NOC2L: variants seen among roughly 807,000 people sequenced by gnomAD.
The protein encoded by NOC2L is nucleolar complex protein 2 homolog.
In NOC2L, 101 loss-of-function variants were observed where a neutral mutation model predicts 94.2. The ratio of observed to expected loss-of-function variants is 1.07; its 90% CI spans 0.91 to 1.26. NOC2L has a LOEUF of 1.26. NOC2L is among the 50% of genes most tolerant of loss of function. The probability of loss-of-function intolerance (pLI) is 0.00; values close to 1 mark genes in which losing one functional copy is unlikely to be tolerated. For missense variants in NOC2L, 1,076 were observed against 980.1 expected, an observed-to-expected ratio of 1.10 and a Z score of -1.31; for synonymous variants, 531 against 413.4, an observed-to-expected ratio of 1.28 and a Z score of -3.45.
chr1:949,856 C>G (rs1223163072), intron 12 of NOC2L, among the ~76,000 whole-genome samples: 2 of 152,214 alleles, frequency 1.3e-5, no homozygotes, highest in Admixed American at 6.5e-5. Context: ...CCTGGGGCTT[C>G]CATACCTTCT....
At chr1:954,260 G>C in intron 6 of NOC2L, 178 bp from the exon 7 acceptor site, 1 of 574,330 alleles carries the variant, frequency 1.7e-6, no homozygotes. Flanking sequence ...GGGCTTAGGA[G>C]GACCCTCTCA....
chr1:948,124 C>G lies in NOC2L; in HGVS notation c.1659+7G>C. On this transcript the variant is annotated splice_region_variant and intron_variant, in intron 14 of 18. Transcript: ENST00000327044. ...CGGCCACGAGCCGGTGTGGGCAGGA[C>G]ACACACCTGCAGGACCACAGGCAGC... The G allele has an allele frequency of 5.1e-6, 8 of 1,575,786 alleles. No individual in the cohort carries two copies. The highest frequency in any genetic ancestry group is 6.9e-6 in the Non-Finnish European group (8 of 1,160,538).
chr1:955,890 C>T, intron 6 of NOC2L, 33 bp downstream of exon 6: 1 of 1,557,306 alleles, frequency 6.4e-7, no homozygotes. Flanking sequence ...ACCCACCTTC[C>T]ACCCTACCCC....
chr1:948,412 G>T, intron 13 of NOC2L, 78 bp downstream of exon 13: 1 of 1,177,360 alleles, frequency 8.5e-7, no homozygotes, highest in South Asian at 1.2e-5. Context: ...GAGGATGCCA[G>T]CCCCCTCCCA....
rs767390045 is a variant in NOC2L at position 957,007 on chromosome 1, C to G, written c.373G>C (p.Asp125His). ...CCATCTTCTCCTTCCTCCGCTCCAT[C>G]CTCCTCCTCACTGGCTTCCTGCACA... Reference protein sequence around the residue: ...DVLEEASEEEDGAEEGEDGDR... With the variant: ...DVLEEASEEEHGAEEGEDGDR... The change falls in exon 4 of 19, where the codon GAT (aspartate) becomes CAT (histidine). Residue 125 changes from aspartate to histidine, a missense_variant. Asp to His is a moderately conservative substitution (Grantham distance 81). Around this residue, in one of 3 missense-constraint regions of NOC2L, gnomAD observed 457 missense variants for 386.0 expected, o/e 1.18. Transcript: ENST00000327044. 3 of 1,614,100 alleles carry G rather than the reference C, an allele frequency of 1.9e-6. No individual in the cohort carries two copies. The Middle Eastern group carries it at 4.9e-4, about 266-fold the overall frequency.
chr1:949,001 A>G (rs1642186609), intron 12 of NOC2L, among the ~76,000 whole-genome samples: 2 of 151,458 alleles, frequency 1.3e-5, no homozygotes, highest in South Asian at 4.2e-4. Context: ...CAGCACAGCA[A>G]TGCCACATGG....
Position 945,088 on chromosome 1 carries a change from C to T in NOC2L, c.2112G>A (p.Glu704=), listed in dbSNP as rs1557614349. 6.2e-7 allele frequency: 1 copy of T among 1,612,114 alleles called. No individual in the cohort carries two copies. Among genetic ancestry groups the T allele is most frequent in the Non-Finnish European group, 8.5e-7 (1 of 1,179,900 alleles). The part of the protein sequence containing the change: ...HGVEDDEEDE[E]EGEEDSSNSE... ...AGTTGCTGCTGTCCTCCTCGCCCTC[C>T]TCCTCGTCCTCTTCATCGTCTTCCA... Residue 704 remains glutamate (E), a synonymous_variant, in exon 18 of 19, where the codon GAG becomes GAA. Transcript: ENST00000327044.
At chr1:955,280 C>T (rs528650049) in intron 6 of NOC2L, among the ~76,000 whole-genome samples, 13 of 152,380 alleles carry the variant, frequency 8.5e-5, no homozygotes, top group Non-Finnish European at 1.8e-4. Context: ...GAGCCGCTGT[C>T]GGCGAGACCT....
intron 17 of NOC2L, 181 bp downstream of exon 17, chr1:945,337 C>T (rs1405352517): frequency 1.0e-6 from 1 of 967,258 alleles, no homozygotes; most frequent in Non-Finnish European, 1.5e-6. Context: ...CCCAGTAGGC[C>T]TTCACTTCAA....
At chr1:952,724 C>G in intron 9 of NOC2L, 124 bp from the exon 10 acceptor site, 2 of 934,538 alleles carry the variant, frequency 2.1e-6, no homozygotes, top group South Asian at 3.0e-5. Context: ...AGAGCCGTAG[C>G]CCCTTGCACA....
chr1:954,474 G>A (rs1458856971), intron 6 of NOC2L: 6 of 196,102 alleles, frequency 3.1e-5, no homozygotes, highest in Non-Finnish European at 5.1e-5. Context: ...CTCTGGGGTC[G>A]CCCAGGCACC....
At chr1:953,090 C>A in intron 9 of NOC2L, 85 bp downstream of exon 9, 1 of 933,640 alleles carries the variant, frequency 1.1e-6, no homozygotes. Flanking sequence ...TGAGGGGCAC[C>A]AACCACAAAG....
At chr1:949,126 G>C (rs192209493) in intron 12 of NOC2L, among the ~76,000 whole-genome samples, 240 of 152,150 alleles carry the variant, frequency 1.6e-3, no homozygotes, top group Non-Finnish European at 2.9e-3. Context: ...ACCCTCCACA[G>C]AAGCCACAGG....
rs559197331 is a variant in NOC2L, at chr1:948,566, C to T, written c.1481G>A (p.Arg494His). ...GAAGTTGATGGGCTTGGAGCTCATG[C>T]GCCCTGGCTTCCTGTTGAAGTCGAC... ...QQVDFNRKPG[R>H]MSSKPINFSV... Residue 494 changes from arginine to histidine, a missense_variant, in exon 13 of 19, where the codon CGC becomes CAC. This residue lies in a region of NOC2L where 615 missense variants were observed against 577.4 expected (regional missense o/e 1.07). Coordinates refer to ENST00000327044, the MANE Select transcript of NOC2L (RefSeq NM_015658.4). 151 of 1,613,616 alleles carry T rather than the reference C, an allele frequency of 9.4e-5. 3 individuals are homozygous for T. In the South Asian group the frequency reaches 1.4e-3, roughly 15 times the overall value.
intron 13 of NOC2L, 79 bp from the exon 14 acceptor site, chr1:948,311 C>T (rs1642170444): frequency 7.9e-7 from 1 of 1,263,992 alleles, no homozygotes; most frequent in Non-Finnish European, 1.1e-6. Flanking sequence ...CTCAGGCTGT[C>T]AGGGCAGCGC....
rs757156333 is a variant in NOC2L at position 948,562 on chromosome 1, C to G, written c.1485G>C (p.Met495Ile). The G allele has an allele frequency of 6.2e-7, 1 of 1,613,620 alleles. No individual in the cohort carries two copies. The highest frequency in any genetic ancestry group is 8.5e-7 in the Non-Finnish European group (1 of 1,179,960). ...CGGAGAAGTTGATGGGCTTGGAGCT[C>G]ATGCGCCCTGGCTTCCTGTTGAAGT... ...QVDFNRKPGRMSSKPINFSVI... is the reference protein window; with the variant it reads ...QVDFNRKPGRISSKPINFSVI... The change falls in exon 13 of 19, where the codon ATG becomes ATC. Residue 495 changes from methionine (M) to isoleucine (I), a missense_variant. Met to Ile is a conservative substitution (Grantham distance 10). Transcript: ENST00000327044.
rs1482758899 is a variant in NOC2L at position 957,141 on chromosome 1, C to T, written c.312G>A (p.Glu104=). Residue 104 remains glutamate (E), a synonymous_variant, in exon 3 of 19, where the codon GAG becomes GAA. Transcript: ENST00000327044. ...LLNFSDSDSS[E]EEEGPFHSLP... is the part of the protein sequence containing the mutation. ...GGGAGTGGAACGGCCCCTCTTCCTCCTCAGAGCTGTCCGAGTCGCTGAAGT... is the reference window on the plus strand; with the variant it reads ...GGGAGTGGAACGGCCCCTCTTCCTCTTCAGAGCTGTCCGAGTCGCTGAAGT... 6 of 1,614,108 alleles carry T rather than the reference C, an allele frequency of 3.7e-6. No individual in the cohort carries two copies. Among genetic ancestry groups the T allele is most frequent in the Non-Finnish European group, 5.1e-6 (6 of 1,180,044 alleles).
chr1:951,271 C>T lies in NOC2L; in HGVS notation c.1332-33G>A, dbSNP rs763136269. 14 of 1,481,828 alleles carry T rather than the reference C, an allele frequency of 9.4e-6. No individual in the cohort carries two copies. The Admixed American group carries it at 2.4e-4, about 25-fold the overall frequency. The allele number at this position is 1,481,828 out of a possible 1,614,324, so 91.8% of individuals were successfully genotyped here. A position where few individuals can be genotyped will look rare whatever the true frequency, so the allele number is the denominator to read the frequency against. On this transcript the variant is annotated intron_variant, in intron 11 of 18. Transcript: ENST00000327044. ...TGGGAAGGCCGAGTGAGCAGAGGCC[C>T]CGGCTCTGGCAGCCCCTGCCCCTCC...
chr1:950,994 C>T (rs1019102222), intron 12 of NOC2L, 133 bp downstream of exon 12: 5 of 712,726 alleles, frequency 7.0e-6, no homozygotes, highest in African/African-American at 3.5e-5. Flanking sequence ...GCACTGTCCT[C>T]GTGACACCCG....
Sources: gnomAD v4.1 joint callset for allele counts (sites outside exome capture counted in the v4.1 genomes callset) on GRCh38, gnomAD v4.1.1 for gene constraint, gnomAD v4.1.1 regional missense constraint, MANE v1.5 for transcripts, NCBI Gene and HGNC (gene_info 2026-07-23, HGNC 2026-07-21) for gene names.